FAAP100: variants seen among roughly 807,000 people sequenced by gnomAD.
FAAP100 encodes the protein FA core complex associated protein 100.
Under a neutral mutation model 65.8 loss-of-function variants are expected in FAAP100, and 46 were observed. That is an observed-to-expected ratio of 0.70 (90% confidence interval 0.55 to 0.89). The LOEUF (loss-of-function observed/expected upper bound fraction) is 0.89, where lower values mean the gene tolerates loss of function less well. Ranked by LOEUF, FAAP100 falls within the 40% of genes least tolerant of loss-of-function variation. The pLI is 0.00. For missense variants in FAAP100, 1,165 were observed against 1,196.7 expected, an observed-to-expected ratio of 0.97 and a Z score of 0.39; for synonymous variants, 663 against 555.1, an observed-to-expected ratio of 1.19 and a Z score of -2.73.
Position 81,540,622 on chromosome 17 carries a change from T to C in FAAP100, c.*197A>G. 1.4e-6 allele frequency: 1 copy of C among 690,176 alleles called. No homozygotes were observed. Among genetic ancestry groups the C allele is most frequent in the Non-Finnish European group, 2.2e-6 (1 of 464,418 alleles). The allele number at this position is 690,176 out of a possible 1,614,324, so 42.8% of individuals were successfully genotyped here. A position where few individuals can be genotyped will look rare whatever the true frequency, so the allele number is the denominator to read the frequency against. ...CGGCCAGGTTCAGAGCCCGCCTCGG[T>C]TGCTCCCAATCAGAATCTGCTTTGT... On this transcript the variant is annotated 3_prime_UTR_variant, in exon 9 of 9. Coordinates refer to ENST00000327787, the MANE Select transcript of FAAP100 (RefSeq NM_025161.6).
Position 81,542,200 on chromosome 17 carries a change from AATATAT to A in FAAP100, c.2428-811_2428-806del, listed in dbSNP as rs760595551. On this transcript the variant is annotated intron_variant, in intron 7 of 8. Transcript: ENST00000327787. The stretch of plus-strand genomic sequence containing the variant: ...AAAAAAAAAAAAAAAAAAAAAAAAA[AATATAT>A]ATATATATATATATATATATATATA... Among the ~76,000 whole-genome samples the A allele has an allele frequency of 6.5e-3, 177 of 27,228 alleles. 3 individuals carry two copies. Among genetic ancestry groups the A allele is most frequent in the African/African-American group, 0.011 (72 of 6,584 alleles). The allele number at this position is 27,228 out of a possible 152,430, so 17.9% of individuals were successfully genotyped here.
intron 7 of FAAP100, among the ~76,000 whole-genome samples, chr17:81,542,488 CA>C (rs1319200918): frequency 6.6e-6 from 1 of 152,184 alleles, no homozygotes; most frequent in African/African-American, 2.4e-5. Context: ...TGAGGGGCAG[CA>C]CTGGCCTGCC....
intron 5 of FAAP100, chr17:81,546,661 G>A: frequency 2.5e-6 from 1 of 392,786 alleles, no homozygotes; most frequent in East Asian, 3.8e-5. Context: ...GGATGCCCCA[G>A]GAGCAGCTGG....
rs542458319 is a variant in FAAP100 at position 81,548,219 on chromosome 17, CAG to C, written c.1404-543_1404-542del. 210 of 576,142 alleles carry C rather than the reference CAG, an allele frequency of 3.6e-4. 3 individuals carry two copies. In the South Asian group the frequency reaches 4.6e-3, roughly 13 times the overall value. The allele number at this position is 576,142 out of a possible 1,614,324, so 35.7% of individuals were successfully genotyped here. A position where few individuals can be genotyped will look rare whatever the true frequency, so the allele number is the denominator to read the frequency against. ...GGGAGCAGGGGAGGCTGCGCGCACT[CAG>C]TGTGTTCTCTCTGAACGTCCCGAAG... On this transcript the variant is annotated intron_variant, in intron 4 of 8. Transcript: ENST00000327787.
chr17:81,552,319 G>A lies in FAAP100; in HGVS notation c.12C>T (p.Ala4=), dbSNP rs1490868920. ...CCGCCAGGTAGCGGACCCGCGGCGCGGCGCCGGCCATCGTGCGCGCGGGCC... is the reference window on the plus strand; with the variant it reads ...CCGCCAGGTAGCGGACCCGCGGCGCAGCGCCGGCCATCGTGCGCGCGGGCC... The part of the protein sequence containing the change: MAG[A]APRVRYLAGF... The change falls in exon 1 of 9, where the codon GCC becomes GCT. Residue 4 remains alanine (A), a synonymous_variant. Transcript: ENST00000327787. 4 of 1,398,110 alleles carry A rather than the reference G, an allele frequency of 2.9e-6. No individual in the cohort carries two copies. Among genetic ancestry groups the A allele is most frequent in the South Asian group, 3.1e-5 (2 of 64,984 alleles). 86.6% of individuals were successfully genotyped at this position (1,398,110 alleles called of 1,614,324 possible). A position where few individuals can be genotyped will look rare whatever the true frequency, so the allele number is the denominator to read the frequency against.
chr17:81,546,872 TC>T, intron 5 of FAAP100, 36 bp downstream of exon 5: 1 of 1,287,958 alleles, frequency 7.8e-7, no homozygotes, highest in Admixed American at 3.7e-5. Context: ...AAAAAAAAAA[TC>T]CCCAAGGCTG....
chr17:81,549,172 C>A (rs761758023), intron 4 of FAAP100, 34 bp downstream of exon 4: 1 of 1,606,234 alleles, frequency 6.2e-7, no homozygotes, highest in Non-Finnish European at 8.5e-7. Context: ...GATGGCAGCG[C>A]CAGCCTCTAC....
intron 3 of FAAP100, among the ~76,000 whole-genome samples, chr17:81,549,930 T>G (rs1333522172): frequency 6.6e-6 from 1 of 152,120 alleles, no homozygotes; most frequent in African/African-American, 2.4e-5. Flanking sequence ...GCTTGCCACA[T>G]AAGACCTGCC....
rs569693244 is a variant in FAAP100, at chr17:81,550,277, G to A, written c.1217C>T (p.Ser406Leu). The change falls in exon 3 of 9, where the codon TCG (serine) becomes TTG (leucine). Residue 406 changes from serine to leucine, a missense_variant. By Grantham distance (145) the Ser-to-Leu change is moderately radical. Transcript: ENST00000327787. Reference sequence around the variant, plus strand: ...ATGCGTCCTGGGAGACGCGGACAGCGAGACGACACTGCAGATGTTCAGGCT... The same window carrying A: ...ATGCGTCCTGGGAGACGCGGACAGCAAGACGACACTGCAGATGTTCAGGCT... ...PASLNICSVV[S>L]LSASPRTHEG... 24 of 1,608,462 alleles carry A rather than the reference G, an allele frequency of 1.5e-5. No individual in the cohort carries two copies. The East Asian group carries it at 2.5e-4, about 16-fold the overall frequency.
At position 81,539,929 on chromosome 17, in the gene FAAP100, C is replaced by T; in HGVS notation, c.*890G>A. The T allele has an allele frequency of 2.5e-6, 1 of 398,788 alleles. No homozygotes were observed. The highest frequency in any genetic ancestry group is 4.4e-5 in the Admixed American group (1 of 22,746). 24.7% of individuals were successfully genotyped at this position (398,788 alleles called of 1,614,324 possible). ...AGGGTCGTTTGTCACAGCAGAGAAG[C>T]ACCTCACGGCTCCTACCCGCACTCA... On this transcript the variant is annotated 3_prime_UTR_variant, in exon 9 of 9. Transcript: ENST00000327787.
rs1308490694 is a variant in FAAP100 at position 81,551,135 on chromosome 17, G to C, written c.359C>G (p.Pro120Arg). The change falls in exon 3 of 9, where the codon CCC (proline) becomes CGC (arginine). Residue 120 changes from proline to arginine, a missense_variant. Coordinates refer to ENST00000327787, the MANE Select transcript of FAAP100 (RefSeq NM_025161.6). ...DQPSPVIPVDPDACILPDAAL... is the reference protein window; with the variant it reads ...DQPSPVIPVDRDACILPDAAL... ...AGCATCGGGAAGGATGCAGGCATCG[G>C]GGTCCACAGGGATCACGGGGGAAGG... 1.3e-6 allele frequency: 2 copies of C among 1,550,084 alleles called. No individual in the cohort carries two copies. Among genetic ancestry groups the C allele is most frequent in the South Asian group, 2.4e-5 (2 of 84,154 alleles).
At chr17:81,541,748 CAGG>C (rs922803625) in intron 7 of FAAP100, among the ~76,000 whole-genome samples, 2 of 152,168 alleles carry the variant, frequency 1.3e-5, no homozygotes, top group African/African-American at 4.8e-5. Context: ...GAAGGCCGCT[CAGG>C]AGAACAGACC....
intron 6 of FAAP100, among the ~76,000 whole-genome samples, chr17:81,544,815 G>A (rs1487916875): frequency 6.6e-6 from 1 of 152,242 alleles, no homozygotes. Flanking sequence ...CCCAGCATCA[G>A]GGCTGAAAGG....
chr17:81,548,308 C>A lies in FAAP100; in HGVS notation c.1404-630G>T, dbSNP rs78969276. The A allele has an allele frequency of 8.6e-3, 3,403 of 396,770 alleles. 101 individuals are homozygous for A. Among genetic ancestry groups the A allele is most frequent in the African/African-American group, 0.061 (3,087 of 50,782 alleles). 24.6% of individuals were successfully genotyped at this position (396,770 alleles called of 1,614,324 possible). A position where few individuals can be genotyped will look rare whatever the true frequency, so the allele number is the denominator to read the frequency against. ...GCTGAGAGCAGGGAGGGTGAGGACT[C>A]AGCAGGGGACGTCTCCCGTGCCCCA... On this transcript the variant is annotated intron_variant, in intron 4 of 8. Transcript: ENST00000327787.
intron 2 of FAAP100, among the ~76,000 whole-genome samples, chr17:81,551,460 G>T (rs2033492819): frequency 6.6e-6 from 1 of 152,240 alleles, no homozygotes; most frequent in Non-Finnish European, 1.5e-5. Context: ...AGGCTGCAAA[G>T]TGCACAGGCT....
chr17:81,543,494 C>G (rs772500581), intron 7 of FAAP100, among the ~76,000 whole-genome samples: 115 of 152,158 alleles, frequency 7.6e-4, no homozygotes, highest in Non-Finnish European at 1.2e-3. Context: ...GCCGCTGACC[C>G]AAGCTGGCTC....
chr17:81,539,934 C>G lies in FAAP100; in HGVS notation c.*885G>C. ...CGTTTGTCACAGCAGAGAAGCACCT[C>G]ACGGCTCCTACCCGCACTCATCGCG... On this transcript the variant is annotated 3_prime_UTR_variant, in exon 9 of 9. Transcript: ENST00000327787. 5.0e-6 allele frequency: 2 copies of G among 398,822 alleles called. No homozygotes were observed. The highest frequency in any genetic ancestry group is 8.8e-6 in the Non-Finnish European group (2 of 226,132). 24.7% of individuals were successfully genotyped at this position (398,822 alleles called of 1,614,324 possible). A position where few individuals can be genotyped will look rare whatever the true frequency, so the allele number is the denominator to read the frequency against.
At position 81,552,178 on chromosome 17, in the gene FAAP100, GC is replaced by G; in HGVS notation, c.152del (p.Gly51AlafsTer4). On this transcript the variant is annotated frameshift_variant, in exon 1 of 9. Transcript: ENST00000327787. LOFTEE classifies it high-confidence loss of function. Reference protein sequence around the residue: ...SELVYVYDQEGGLLTAAFRFP... With the variant: ...SELVYVYDQEXGLLTAAFRFP... The stretch of plus-strand genomic sequence containing the variant: ...GGCCGGCGCTCACGGTCAGCAGCCC[GC>G]CCTCCTGGTCGTACACGTAGACGAG... The G allele has an allele frequency of 6.7e-7, 1 of 1,495,468 alleles. No individual in the cohort carries two copies. 92.6% of individuals were successfully genotyped at this position (1,495,468 alleles called of 1,614,324 possible). A position where few individuals can be genotyped will look rare whatever the true frequency, so the allele number is the denominator to read the frequency against.
At position 81,551,001 on chromosome 17, in the gene FAAP100, G is replaced by A. The variant is rs775742987; in HGVS notation, c.493C>T (p.Arg165Trp). Reference protein sequence around the residue: ...FEQPCPGEDPRPGGQIGEVEL... With the variant: ...FEQPCPGEDPWPGGQIGEVEL... ...ACCTCACCGATCTGGCCTCCTGGCC[G>A]GGGGTCCTCCCCAGGACAGGGCTGC... Residue 165 changes from arginine (R) to tryptophan (W), a missense_variant, in exon 3 of 9, where the codon CGG becomes TGG. By Grantham distance (101) the Arg-to-Trp change is moderately radical. Coordinates refer to ENST00000327787, the MANE Select transcript of FAAP100 (RefSeq NM_025161.6). 13 of 1,611,496 alleles carry A rather than the reference G, an allele frequency of 8.1e-6. No homozygotes were observed. The highest frequency in any genetic ancestry group is 1.0e-5 in the Non-Finnish European group (12 of 1,179,338).
Sources: allele counts gnomAD v4.1 joint callset (sites outside exome capture counted in the v4.1 genomes callset), GRCh38; gene constraint gnomAD v4.1.1; transcripts MANE v1.5; gene names NCBI Gene and HGNC (gene_info 2026-07-23, HGNC 2026-07-21).